The following ABLIM3 variants were observed in gnomAD, a reference collection of about 807,000 sequenced individuals.
ABLIM3 encodes actin binding LIM protein family member 3.
ABLIM3 carries 61 observed loss-of-function variants against 109.5 expected under a neutral mutation model. The ratio of observed to expected loss-of-function variants is 0.56; its 90% CI spans 0.45 to 0.69. The LOEUF is 0.69. ABLIM3 is among the 30% of genes least tolerant of loss of function. ABLIM3 has a pLI of 0.00. For missense variants in ABLIM3, 796 were observed against 889.5 expected, an observed-to-expected ratio of 0.89 and a Z score of 1.34; for synonymous variants, 300 against 324.8, an observed-to-expected ratio of 0.92 and a Z score of 0.82.
intron 8 of ABLIM3, among the ~76,000 whole-genome samples, chr5:149,223,990 C>T (rs1760921279): frequency 6.6e-6 from 1 of 152,150 alleles, no homozygotes; most frequent in Admixed American, 6.5e-5. Context: ...ATAGAAATGG[C>T]CATTCCCATG....
intron 10 of ABLIM3, among the ~76,000 whole-genome samples, chr5:149,235,247 A>G (rs1762233035): frequency 6.6e-6 from 1 of 152,226 alleles, no homozygotes; most frequent in South Asian, 2.1e-4. Context: ...TTGGAAAAAA[A>G]TTCATCCATC....
chr5:149,170,128 C>T (rs1755243522), intron 2 of ABLIM3, among the ~76,000 whole-genome samples: 1 of 152,080 alleles, frequency 6.6e-6, no homozygotes, highest in South Asian at 2.1e-4. Flanking sequence ...CTTCCTCCCA[C>T]CCTCCAGTGT....
At chr5:149,219,833 G>A (rs1459916499) in intron 8 of ABLIM3, 1 of 152,168 alleles carries the variant, frequency 6.6e-6, no homozygotes, top group Non-Finnish European at 1.5e-5. Flanking sequence ...AAACCTCCTA[G>A]TATTGAAACT....
chr5:149,241,543 G>A lies in ABLIM3; in HGVS notation c.1303+769G>A, dbSNP rs890335199. 3.9e-5 allele frequency among the ~76,000 whole-genome samples: 6 copies of A among 152,194 alleles called. No homozygotes were observed. The East Asian group carries it at 1.2e-3, about 29-fold the overall frequency. Reference sequence around the variant, plus strand: ...TGGGAGGCCGAGGCGTGTGGGTCATGAGATCAGGAGTTCGAGACCAACCTG... The same window carrying A: ...TGGGAGGCCGAGGCGTGTGGGTCATAAGATCAGGAGTTCGAGACCAACCTG... On this transcript the variant is annotated intron_variant, in intron 14 of 23. Coordinates refer to ENST00000309868, the MANE Select transcript of ABLIM3 (RefSeq NM_014945.5).
chr5:149,249,963 A>C (rs758421635), intron 19 of ABLIM3, 119 bp downstream of exon 19: 56 of 1,242,856 alleles, frequency 4.5e-5, no homozygotes, highest in Non-Finnish European at 6.4e-5. Context: ...CCCACTCCTG[A>C]TCTCAAATAG....
chr5:149,158,993 C>T (rs1023089179), intron 2 of ABLIM3, among the ~76,000 whole-genome samples: 1 of 152,148 alleles, frequency 6.6e-6, no homozygotes, highest in Admixed American at 6.5e-5. Context: ...TCAACATACA[C>T]CTACCTATGA....
chr5:149,210,816 G>T lies in ABLIM3; in HGVS notation c.666G>T (p.Leu222Phe). The T allele has an allele frequency of 6.2e-7, 1 of 1,613,974 alleles. No individual in the cohort carries two copies. The highest frequency in any genetic ancestry group is 8.5e-7 in the Non-Finnish European group (1 of 1,179,850). ...TCDRYISGRVLEAGGKHYHPT... is the reference protein window; with the variant it reads ...TCDRYISGRVFEAGGKHYHPT... ...ACCGATACATCAGTGGCAGAGTCTT[G>T]GAGGTGAGTGGGTATAAGTAACCGT... The change falls in exon 7 of 24, where the codon TTG becomes TTT. Residue 222 changes from leucine to phenylalanine, a missense_variant. Transcript: ENST00000309868.
chr5:149,252,392 G>A (rs1754019188), intron 22 of ABLIM3, 184 bp downstream of exon 22: 8 of 610,024 alleles, frequency 1.3e-5, no homozygotes, highest in Non-Finnish European at 2.2e-5. Context: ...TCCTGCCCTA[G>A]GTCTCTTGCC....
At position 149,250,481 on chromosome 5, in the gene ABLIM3, C is replaced by G; in HGVS notation, c.1764C>G (p.Ala588=). ...PLISKSASLP[A]YRRNGLHRTP... is the part of the protein sequence containing the mutation. ...TCTCCAAATCTGCCTCCCTGCCTGC[C>G]TACCGAAGAAATGGGCTGCACAGGG... is the stretch of plus-strand genomic sequence containing the variant. The change falls in exon 20 of 24, where the codon GCC becomes GCG. Residue 588 remains alanine (A), a synonymous_variant. Transcript: ENST00000309868. The G allele has an allele frequency of 6.2e-7, 1 of 1,614,220 alleles. No homozygotes were observed. Among genetic ancestry groups the G allele is most frequent in the Non-Finnish European group, 8.5e-7 (1 of 1,180,036 alleles).
intron 19 of ABLIM3, 92 bp downstream of exon 19, chr5:149,249,936 C>A (rs1280823260): frequency 5.5e-6 from 8 of 1,451,264 alleles, no homozygotes; most frequent in African/African-American, 1.4e-5. Context: ...AATGACCATA[C>A]AATGTGGATG....
In ABLIM3 at chr5:149,237,488, C is replaced by T. The variant is rs762942384; in HGVS notation, c.929C>T (p.Ala310Val). 1.2e-5 allele frequency: 19 copies of T among 1,614,026 alleles called. No homozygotes were observed. The highest frequency in any genetic ancestry group is 1.4e-5 in the Non-Finnish European group (17 of 1,180,028). ...DNEILNYKDL[A>V]ALPKVKSIYE... The stretch of plus-strand genomic sequence containing the variant: ...GAGATCCTTAATTACAAAGACCTGG[C>T]GGCTCTCCCCAAGGTTAAGTCTATC... The change falls in exon 11 of 24, where the codon GCG (alanine) becomes GTG (valine). Residue 310 changes from alanine (A) to valine (V), a missense_variant. Transcript: ENST00000309868.
chr5:149,142,146 G>A (rs1752516977), intron 2 of ABLIM3, 38 bp downstream of exon 2: 1 of 1,599,662 alleles, frequency 6.3e-7, no homozygotes, highest in African/African-American at 1.3e-5. Context: ...TGGGAACAGG[G>A]GTGGGGGCGG....
intron 13 of ABLIM3, 138 bp downstream of exon 13, chr5:149,240,026 C>T: frequency 8.0e-7 from 1 of 1,245,534 alleles, no homozygotes; most frequent in Non-Finnish European, 1.1e-6. Flanking sequence ...TATGGCCACC[C>T]AGGTGACCAG....
chr5:149,173,341 G>A (rs906130206), intron 2 of ABLIM3, among the ~76,000 whole-genome samples: 1 of 152,236 alleles, frequency 6.6e-6, no homozygotes, highest in African/African-American at 2.4e-5. Context: ...CATAAGAATG[G>A]AGGGTGCTTG....
chr5:149,186,778 G>A (rs991149306), intron 3 of ABLIM3, among the ~76,000 whole-genome samples: 2 of 150,970 alleles, frequency 1.3e-5, no homozygotes, highest in Non-Finnish European at 2.9e-5. Flanking sequence ...CAACAACTTT[G>A]TATATTGAAA....
chr5:149,250,455 A>G lies in ABLIM3; in HGVS notation c.1738A>G (p.Ile580Val). The G allele has an allele frequency of 6.2e-7, 1 of 1,614,166 alleles. No individual in the cohort carries two copies. The highest frequency in any genetic ancestry group is 1.3e-5 in the African/African-American group (1 of 75,052). Residue 580 changes from isoleucine to valine, a missense_variant, in exon 20 of 24, where the codon ATC becomes GTC. Transcript: ENST00000309868. ...SHYLADSDPL[I>V]SKSASLPAYR... ...TAGATCCTTCTTTTCAGATCCTCTC[A>G]TCTCCAAATCTGCCTCCCTGCCTGC...
In ABLIM3 at chr5:149,200,387, C is replaced by A. The variant is rs1758380274; in HGVS notation, c.407C>A (p.Ser136Tyr). ...TGTGTGTGCCAAACGTGCTCCCAGT[C>A]CATGGCCAGCAGTAAGCCCATCAAG... ...KECVCQTCSQ[S>Y]MASSKPIKIR... Residue 136 changes from serine (S) to tyrosine (Y), a missense_variant, in exon 5 of 24, where the codon TCC becomes TAC. Coordinates refer to ENST00000309868, the MANE Select transcript of ABLIM3 (RefSeq NM_014945.5). 1.9e-6 allele frequency: 3 copies of A among 1,614,222 alleles called. No homozygotes were observed. The African/African-American group carries it at 4.0e-5, about 22-fold the overall frequency.
intron 3 of ABLIM3, among the ~76,000 whole-genome samples, chr5:149,187,316 GC>G (rs1329936801): frequency 1.3e-5 from 2 of 152,302 alleles, no homozygotes; most frequent in Non-Finnish European, 2.9e-5. Flanking sequence ...TCATCAAAGA[GC>G]CGATCTTAAA....
intron 8 of ABLIM3, among the ~76,000 whole-genome samples, chr5:149,223,259 C>T (rs1188850058): frequency 2.0e-5 from 3 of 152,108 alleles, no homozygotes; most frequent in South Asian, 2.1e-4. Context: ...AGACTCATGC[C>T]GATGTGGCCA....
Sources: gnomAD v4.1 joint callset for allele counts (sites outside exome capture counted in the v4.1 genomes callset) on GRCh38, gnomAD v4.1.1 for gene constraint, MANE v1.5 for transcripts, NCBI Gene and HGNC (gene_info 2026-07-23, HGNC 2026-07-21) for gene names.